Variants in CKAP2L observed in about 807,000 individuals in gnomAD.
The protein encoded by CKAP2L is cytoskeleton-associated protein 2-like.
A neutral mutation model predicts 65.7 loss-of-function variants in CKAP2L; 42 were observed. The ratio of observed to expected loss-of-function variants is 0.64; its 90% CI spans 0.50 to 0.83. The LOEUF is 0.83. Among genes scored for constraint, CKAP2L ranks in the 40% least tolerant of loss-of-function variants. The pLI is 0.00. For missense variants in CKAP2L, 908 were observed against 871.0 expected, an observed-to-expected ratio of 1.04 and a Z score of -0.53; for synonymous variants, 325 against 313.5, an observed-to-expected ratio of 1.04 and a Z score of -0.39.
Position 112,746,441 on chromosome 2 carries a change from C to G in CKAP2L, c.1737G>C (p.Glu579Asp). ...GTFDVIGLYE[E>D]AIKNGATPIQ... ...TCACTGTTGCCCCATTTTTAATGGC[C>G]TCTTCATATAGCCCAATAACATCAA... The change falls in exon 6 of 9, where the codon GAG becomes GAC. Residue 579 changes from glutamate (E) to aspartate (D), a missense_variant. Physicochemically the swap from Glu to Asp is conservative, Grantham distance 45. Coordinates refer to ENST00000302450, the MANE Select transcript of CKAP2L (RefSeq NM_152515.5). 6.2e-7 allele frequency: 1 copy of G among 1,611,302 alleles called. No individual in the cohort carries two copies. The highest frequency in any genetic ancestry group is 1.1e-5 in the South Asian group (1 of 90,788).
intron 7 of CKAP2L, 119 bp downstream of exon 7, chr2:112,742,587 A>G: frequency 6.6e-6 from 5 of 755,416 alleles, no homozygotes; most frequent in Non-Finnish European, 1.2e-5. Context: ...CAGGTCATGG[A>G]AACCAAGAAG....
chr2:112,744,482 T>G (rs1680136320), intron 6 of CKAP2L, among the ~76,000 whole-genome samples: 1 of 152,214 alleles, frequency 6.6e-6, no homozygotes, highest in Admixed American at 6.5e-5. Context: ...CCCTAAACTC[T>G]ATGCAGCCTA....
intron 2 of CKAP2L, 29 bp from the exon 3 acceptor site, chr2:112,760,793 C>T (rs865890081): frequency 3.3e-6 from 4 of 1,211,240 alleles, no homozygotes; most frequent in Middle Eastern, 1.9e-4. Context: ...AATTAATCCT[C>T]AGCACAGAAG....
At chr2:112,740,634 G>C (rs1268033988) in intron 8 of CKAP2L, among the ~76,000 whole-genome samples, 184 bp downstream of exon 8, 1 of 152,142 alleles carries the variant, frequency 6.6e-6, no homozygotes, top group Non-Finnish European at 1.5e-5. Context: ...CAGGACAAAT[G>C]AGAGTGAAAA....
intron 2 of CKAP2L, among the ~76,000 whole-genome samples, chr2:112,762,283 G>C (rs1360130626): frequency 1.3e-5 from 2 of 152,214 alleles, no homozygotes; most frequent in Admixed American, 1.3e-4. Flanking sequence ...CCTTCCTTTG[G>C]AGATTCACAC....
rs1474181061 is a variant in CKAP2L at position 112,736,365 on chromosome 2, A to G, written c.*2458T>C. On this transcript the variant is annotated 3_prime_UTR_variant, in exon 9 of 9. Transcript: ENST00000302450. ...ATTCTTGCATTTTGGTGACAATTTTATTTTATTAGGTATATTTAAGATTTA... is the reference window on the plus strand; with the variant it reads ...ATTCTTGCATTTTGGTGACAATTTTGTTTTATTAGGTATATTTAAGATTTA... Among the ~76,000 whole-genome samples, 3 of 152,174 alleles carry G rather than the reference A, an allele frequency of 2.0e-5. No individual in the cohort carries two copies. The highest frequency in any genetic ancestry group is 7.2e-5 in the African/African-American group (3 of 41,444).
Position 112,756,724 on chromosome 2 carries a change from T to C in CKAP2L, c.647A>G (p.Gln216Arg). 6.3e-7 allele frequency: 1 copy of C among 1,593,638 alleles called. No homozygotes were observed. The highest frequency in any genetic ancestry group is 8.5e-7 in the Non-Finnish European group (1 of 1,173,200). Residue 216 changes from glutamine (Q) to arginine (R), a missense_variant, in exon 4 of 9, where the codon CAA (glutamine) becomes CGA (arginine). Physicochemically the swap from Gln to Arg is conservative, Grantham distance 43. Coordinates refer to ENST00000302450, the MANE Select transcript of CKAP2L (RefSeq NM_152515.5). ...RSKPKTDSYN[Q>R]TKNSLVPKQA... The stretch of plus-strand genomic sequence containing the variant: ...TTTAGGAACTAAACTGTTCTTGGTT[T>C]GATTATAAGAGTCAGTCTTTGGCTT...
chr2:112,757,275 T>TA, intron 3 of CKAP2L, 61 bp from the exon 4 acceptor site: 1 of 1,197,684 alleles, frequency 8.3e-7, no homozygotes, highest in Non-Finnish European at 1.2e-6. Context: ...GTTTTTAAAA[T>TA]AATAACTGTG....
chr2:112,742,885 T>A, intron 6 of CKAP2L, 116 bp from the exon 7 acceptor site: 1 of 662,806 alleles, frequency 1.5e-6, no homozygotes, highest in Non-Finnish European at 2.6e-6. Context: ...TAAAATCTCG[T>A]CTAACTATAA....
intron 5 of CKAP2L, among the ~76,000 whole-genome samples, chr2:112,749,643 AAG>A (rs1680308020): frequency 4.6e-5 from 7 of 152,062 alleles, no homozygotes; most frequent in Admixed American, 4.6e-4. Context: ...TGGAAATTAA[AAG>A]ATACTTTTCT....
At chr2:112,744,179 G>C (rs997478377) in intron 6 of CKAP2L, among the ~76,000 whole-genome samples, 1 of 152,094 alleles carries the variant, frequency 6.6e-6, no homozygotes, top group Admixed American at 6.5e-5. Flanking sequence ...TTAAATATAC[G>C]TTTATTTCTA....
At position 112,742,732 on chromosome 2, in the gene CKAP2L, A is replaced by C. The variant is rs753916738; in HGVS notation, c.1796T>G (p.Leu599Trp). Reference sequence around the variant, plus strand: ...TTCTGTGGTTCTGTTTGAGTCTTGCAAGATATTAAGAACAACTTTCCGCAA... The same window carrying C: ...TTCTGTGGTTCTGTTTGAGTCTTGCCAGATATTAAGAACAACTTTCCGCAA... The part of the protein sequence containing the change: ...QELRKVVLNI[L>W]QDSNRTTEGI... Residue 599 changes from leucine to tryptophan, a missense_variant, in exon 7 of 9, where the codon TTG (leucine) becomes TGG (tryptophan). Physicochemically the swap from Leu to Trp is moderately conservative, Grantham distance 61. Transcript: ENST00000302450. The C allele has an allele frequency of 6.2e-7, 1 of 1,608,416 alleles. No homozygotes were observed.
At position 112,752,279 on chromosome 2, in the gene CKAP2L, G is replaced by A. The variant is rs1411325057; in HGVS notation, c.1590C>T (p.Asn530=). 1 of 1,612,958 alleles carries A rather than the reference G, an allele frequency of 6.2e-7. No homozygotes were observed. Among genetic ancestry groups the A allele is most frequent in the South Asian group, 1.1e-5 (1 of 90,904 alleles). The change falls in exon 5 of 9, where the codon AAC becomes AAT. Residue 530 remains asparagine (N), a synonymous_variant. Transcript: ENST00000302450. ...CTTCTTCACTTACCCCTTCGATGAG[G>A]TTCAGACATTCTGTCAGAGTGTTGT... ...KINNTLTECL[N]LIEGGVPSNE... is the part of the protein sequence containing the mutation.
At chr2:112,753,816 T>C (rs1198725371) in intron 4 of CKAP2L, among the ~76,000 whole-genome samples, 2 of 152,082 alleles carry the variant, frequency 1.3e-5, no homozygotes, top group Non-Finnish European at 2.9e-5. Flanking sequence ...GCGTGAACCA[T>C]TGTACCCTGC....
At chr2:112,747,323 G>C (rs190270113) in intron 5 of CKAP2L, among the ~76,000 whole-genome samples, 133 of 151,096 alleles carry the variant, frequency 8.8e-4, no homozygotes, top group African/African-American at 3.1e-3. Context: ...CTGAAGGTAA[G>C]AAATATGTTC....
Position 112,738,927 on chromosome 2 carries a change from C to G in CKAP2L, c.2134G>C (p.Ala712Pro). Residue 712 changes from alanine to proline, a missense_variant, in exon 9 of 9, where the codon GCT becomes CCT. Coordinates refer to ENST00000302450, the MANE Select transcript of CKAP2L (RefSeq NM_152515.5). The stretch of plus-strand genomic sequence containing the variant: ...ACTTCTAACAGTTCATCAAGAGAAG[C>G]CACTACTAAATCGTGTTCCTGCAGC... ...EMLQEHDLVV[A>P]SLDELLEVEE... 1 of 1,614,074 alleles carries G rather than the reference C, an allele frequency of 6.2e-7. No individual in the cohort carries two copies. Among genetic ancestry groups the G allele is most frequent in the South Asian group, 1.1e-5 (1 of 91,080 alleles).
chr2:112,739,453 G>A (rs1207979120), intron 8 of CKAP2L, among the ~76,000 whole-genome samples: 1 of 152,188 alleles, frequency 6.6e-6, no homozygotes, highest in Non-Finnish European at 1.5e-5. Flanking sequence ...TTTCCAGAAT[G>A]TACTGGGTGG....
intron 5 of CKAP2L, among the ~76,000 whole-genome samples, chr2:112,748,726 T>C (rs1680277901): frequency 6.6e-6 from 1 of 152,104 alleles, no homozygotes; most frequent in Non-Finnish European, 1.5e-5. Context: ...ATGGGTGTAG[T>C]GGTGTGTACC....
intron 1 of CKAP2L, among the ~76,000 whole-genome samples, chr2:112,762,967 G>C (rs565633126): frequency 6.6e-6 from 1 of 152,014 alleles, no homozygotes. Context: ...AAAATTTTTT[G>C]TAGAGACAGG....
Sources: gnomAD v4.1 joint callset for allele counts (sites outside exome capture counted in the v4.1 genomes callset) on GRCh38, gnomAD v4.1.1 for gene constraint, MANE v1.5 for transcripts, NCBI Gene and HGNC (gene_info 2026-07-23, HGNC 2026-07-21) for gene names.